SMIM35: variants seen among roughly 807,000 people sequenced by gnomAD.
SMIM35 encodes the protein TMPRSS4 antisense RNA 1 (non-protein coding).
chr11:118,013,573 G>T, intron 4 of SMIM35, 175 bp downstream of exon 4: 1 of 375,448 alleles, frequency 2.7e-6, no homozygotes, highest in Non-Finnish European at 4.7e-6. Flanking sequence ...AGTGCCAGAA[G>T]CGGGTGGGGG....
At chr11:118,022,032 C>CTTTTTT (rs761119844) in intron 1 of SMIM35, among the ~76,000 whole-genome samples, 23 of 120,650 alleles carry the variant, frequency 1.9e-4, no homozygotes, top group African/African-American at 4.5e-4. Flanking sequence ...AACAATAAGT[C>CTTTTTT]TTTTTTTTTT....
chr11:118,082,319 G>A (rs58800922), intron 1 of SMIM35, among the ~76,000 whole-genome samples: 4,469 of 152,244 alleles, frequency 0.029, 195 homozygotes, highest in African/African-American at 0.099. Context: ...CCAGCACTTT[G>A]GGAGGCCTAG....
At chr11:118,058,195 T>A (rs1944344343) in intron 1 of SMIM35, among the ~76,000 whole-genome samples, 1 of 152,168 alleles carries the variant, frequency 6.6e-6, no homozygotes. Context: ...ACTGTTCTGC[T>A]GGGCCAGGAG....
chr11:118,029,962 G>C (rs1451866853), intron 1 of SMIM35: 2 of 356,848 alleles, frequency 5.6e-6, no homozygotes, highest in East Asian at 1.5e-4. Context: ...GATTGTTGTG[G>C]CTTATGTTTC....
At chr11:118,068,313 TG>T (rs1944515744) in intron 1 of SMIM35, among the ~76,000 whole-genome samples, 1 of 151,998 alleles carries the variant, frequency 6.6e-6, no homozygotes, top group African/African-American at 2.4e-5. Context: ...TCAATCCAAA[TG>T]CTCCCTCCTC....
chr11:118,053,892 A>G, intron 1 of SMIM35, among the ~76,000 whole-genome samples: 1 of 152,164 alleles, frequency 6.6e-6, no homozygotes, highest in East Asian at 1.9e-4. Context: ...AAACACTGTA[A>G]CCTCAAATGT....
At chr11:118,045,133 C>A (rs1944077296) in intron 1 of SMIM35, among the ~76,000 whole-genome samples, 1 of 152,118 alleles carries the variant, frequency 6.6e-6, no homozygotes. Context: ...AAAAATGGAA[C>A]ATTTTCATCT....
At chr11:118,085,703 C>A (rs1433805823) in intron 1 of SMIM35, among the ~76,000 whole-genome samples, 1 of 152,202 alleles carries the variant, frequency 6.6e-6, no homozygotes, top group East Asian at 1.9e-4. Context: ...ATGGCAAACC[C>A]ATGAGGGTCC....
intron 1 of SMIM35, chr11:118,076,888 C>T (rs17525348): frequency 0.016 from 2,753 of 168,542 alleles, 121 homozygotes; most frequent in East Asian, 0.12. Context: ...GGGTGGAAGT[C>T]ATTCAGGCGG....
chr11:118,029,666 G>T (rs749519771), intron 1 of SMIM35: 4 of 457,170 alleles, frequency 8.7e-6, no homozygotes, highest in African/African-American at 4.0e-5. Flanking sequence ...AGCATCAGTT[G>T]GGTCTAGTTT....
intron 1 of SMIM35, among the ~76,000 whole-genome samples, chr11:118,053,677 T>C (rs919195426): frequency 1.3e-5 from 2 of 152,178 alleles, no homozygotes; most frequent in African/African-American, 4.8e-5. Flanking sequence ...CCTAAAGCAA[T>C]GTGTTTACAA....
chr11:118,072,102 T>TGCTG (rs1402877354), intron 1 of SMIM35, among the ~76,000 whole-genome samples: 4 of 152,168 alleles, frequency 2.6e-5, no homozygotes, highest in African/African-American at 9.7e-5. Flanking sequence ...AGAAAATACT[T>TGCTG]GCTGGCTGGC....
Position 118,057,706 on chromosome 11 carries a change from G to C in SMIM35, c.7+29045C>G, listed in dbSNP as rs980572725. 3.9e-5 allele frequency among the ~76,000 whole-genome samples: 6 copies of C among 152,218 alleles called. No individual in the cohort carries two copies. In the South Asian group the frequency reaches 8.3e-4, roughly 21 times the overall value. ...TGGTATGTTGAGGGGATTCGCCTCG[G>C]AGGCTGAAAGCAAAGCCAGGAAGGA... On this transcript the variant is annotated intron_variant, in intron 1 of 4. Coordinates refer to ENST00000689828, the MANE Select transcript of SMIM35 (RefSeq NM_001394165.1).
intron 1 of SMIM35, among the ~76,000 whole-genome samples, chr11:118,083,002 T>A (rs1735697854): frequency 1.3e-5 from 2 of 152,044 alleles, no homozygotes; most frequent in South Asian, 4.2e-4. Context: ...AGAGCTGCAG[T>A]GTTTGAAAGG....
At chr11:118,034,170 G>T (rs780440488) in intron 1 of SMIM35, among the ~76,000 whole-genome samples, 15 of 135,558 alleles carry the variant, frequency 1.1e-4, no homozygotes, top group Non-Finnish European at 2.2e-4. Flanking sequence ...TCAGGAGGCT[G>T]GGGTAGGAGA....
chr11:118,060,479 C>A (rs1359165641), intron 1 of SMIM35, among the ~76,000 whole-genome samples: 1 of 152,246 alleles, frequency 6.6e-6, no homozygotes, highest in Non-Finnish European at 1.5e-5. Flanking sequence ...TTCGATTCAG[C>A]CTTTTCTTCC....
At chr11:118,047,703 T>G (rs1354458090) in intron 1 of SMIM35, among the ~76,000 whole-genome samples, 1 of 152,174 alleles carries the variant, frequency 6.6e-6, no homozygotes, top group Non-Finnish European at 1.5e-5. Context: ...AGCAAATAAG[T>G]TATTTCAGCA....
rs55720011 is a variant in SMIM35, at chr11:118,042,068, A to AAGAGAGAGAGAG, written c.8-26271_8-26260dup. Among the ~76,000 whole-genome samples, 381 of 117,872 alleles carry AAGAGAGAGAGAG rather than the reference A, an allele frequency of 3.2e-3. 3 individuals are homozygous for AAGAGAGAGAGAG. Among genetic ancestry groups the AAGAGAGAGAGAG allele is most frequent in the African/African-American group, 0.012 (361 of 30,154 alleles). The allele number at this position is 117,872 out of a possible 152,430, so 77.3% of individuals were successfully genotyped here. A position where few individuals can be genotyped will look rare whatever the true frequency, so the allele number is the denominator to read the frequency against. Reference sequence around the variant, plus strand: ...TCTGTCACAAATGAAAAAAAAAAAAAAGAGAGAGAGAGAAAGAAAGACAAA... The same window carrying AAGAGAGAGAGAG: ...TCTGTCACAAATGAAAAAAAAAAAAAAGAGAGAGAGAGAGAGAGAGAGAGAAAGAAAGACAAA... On this transcript the variant is annotated intron_variant, in intron 1 of 4. Coordinates refer to ENST00000689828, the MANE Select transcript of SMIM35 (RefSeq NM_001394165.1).
intron 1 of SMIM35, among the ~76,000 whole-genome samples, chr11:118,037,186 G>A (rs2058366009): frequency 6.6e-6 from 1 of 152,210 alleles, no homozygotes; most frequent in African/African-American, 2.4e-5. Flanking sequence ...CTGAACTGGG[G>A]TGTAGTAGCG....
Sources: gnomAD v4.1 joint callset for allele counts (sites outside exome capture counted in the v4.1 genomes callset) on GRCh38, gnomAD v4.1.1 for gene constraint, MANE v1.5 for transcripts, NCBI Gene and HGNC (gene_info 2026-07-23, HGNC 2026-07-21) for gene names.